Variants in MACROD2 observed in about 807,000 individuals in gnomAD.
MACROD2 encodes ADP-ribose glycohydrolase MACROD2.
MACROD2 carries 36 observed loss-of-function variants against 70.4 expected under a neutral mutation model. That is an observed-to-expected ratio of 0.51 (90% confidence interval 0.39 to 0.68). The LOEUF (loss-of-function observed/expected upper bound fraction) is 0.68. Among genes scored for constraint, MACROD2 ranks in the 30% least tolerant of loss-of-function variants. MACROD2 has a pLI of 0.00. For synonymous variants in MACROD2, 172 were observed against 178.8 expected, an observed-to-expected ratio of 0.96 and a Z score of 0.30; for missense variants, 496 against 538.4, an observed-to-expected ratio of 0.92 and a Z score of 0.78.
At chr20:14,031,893 GC>G (rs1482600351) in intron 2 of MACROD2, among the ~76,000 whole-genome samples, 1 of 152,054 alleles carries the variant, frequency 6.6e-6, no homozygotes, top group Non-Finnish European at 1.5e-5. Flanking sequence ...ATATGAAGAG[GC>G]AAAAACACTA....
intron 5 of MACROD2, among the ~76,000 whole-genome samples, chr20:15,174,559 G>C (rs970281866): frequency 6.6e-6 from 1 of 152,084 alleles, no homozygotes; most frequent in African/African-American, 2.4e-5. Context: ...TCTAGTTCTA[G>C]ATCCCTGAGG....
rs909950995 is a variant in MACROD2 at position 15,269,867 on chromosome 20, TTTAA to T, written c.540+39821_540+39824del. On this transcript the variant is annotated intron_variant, in intron 6 of 17. Coordinates refer to ENST00000684519, the MANE Select transcript of MACROD2 (RefSeq NM_001351661.2). ...CACTAATGAGGCTTCCATTTACCTC[TTTAA>T]TTAATTAATTAATTCAATATTTATT... Among the ~76,000 whole-genome samples, 20 of 152,344 alleles carry T rather than the reference TTTAA, an allele frequency of 1.3e-4. No individual in the cohort carries two copies. The East Asian group carries it at 1.5e-3, about 12-fold the overall frequency.
At chr20:15,645,335 C>T (rs1054462363) in intron 8 of MACROD2, among the ~76,000 whole-genome samples, 4 of 152,122 alleles carry the variant, frequency 2.6e-5, no homozygotes, top group Admixed American at 6.5e-5. Context: ...TCTGTGTTTC[C>T]GTAACTGTTT....
chr20:15,642,691 C>T (rs2049480278), intron 8 of MACROD2, among the ~76,000 whole-genome samples: 1 of 151,604 alleles, frequency 6.6e-6, no homozygotes, highest in Non-Finnish European at 1.5e-5. Context: ...TAAAAATAAT[C>T]TTTTCTTTGC....
intron 6 of MACROD2, among the ~76,000 whole-genome samples, chr20:15,287,841 T>C (rs2077505547): frequency 6.6e-6 from 1 of 152,258 alleles, no homozygotes; most frequent in Non-Finnish European, 1.5e-5. Context: ...TAAGGAGCTA[T>C]TGGCATTTGC....
intron 8 of MACROD2, among the ~76,000 whole-genome samples, chr20:15,691,928 G>A (rs964420673): frequency 7.2e-5 from 11 of 152,138 alleles, no homozygotes; most frequent in Non-Finnish European, 1.6e-4. Context: ...CTGCTCACCT[G>A]CAGAGAATAT....
intron 3 of MACROD2, among the ~76,000 whole-genome samples, chr20:14,398,865 T>C (rs2083607509): frequency 6.6e-6 from 1 of 152,194 alleles, no homozygotes; most frequent in African/African-American, 2.4e-5. Context: ...ATCACTTTCT[T>C]TCTGTCTGAA....
intron 5 of MACROD2, among the ~76,000 whole-genome samples, chr20:15,129,819 T>A (rs1242046418): frequency 6.6e-6 from 1 of 151,642 alleles, no homozygotes; most frequent in African/African-American, 2.4e-5. Context: ...TTAGCATTTC[T>A]GCCTCTGCCT....
Position 15,411,149 on chromosome 20 carries a change from T to TACACACACACACACAC in MACROD2, c.541-20240_541-20225dup, listed in dbSNP as rs55750139. The stretch of plus-strand genomic sequence containing the variant: ...ATTAATTGCCACCAGGATATGTATT[T>TACACACACACACACAC]ACACACACACACACACACACACACA... On this transcript the variant is annotated intron_variant, in intron 6 of 17. Transcript: ENST00000684519. 4.4e-3 allele frequency among the ~76,000 whole-genome samples: 630 copies of TACACACACACACACAC among 144,264 alleles called. 3 individuals are homozygous for TACACACACACACACAC. The highest frequency in any genetic ancestry group is 0.021 in the Middle Eastern group (6 of 286). The allele number at this position is 144,264 out of a possible 152,430, so 94.6% of individuals were successfully genotyped here. A position where few individuals can be genotyped will look rare whatever the true frequency, so the allele number is the denominator to read the frequency against.
rs1420604746 is a variant in MACROD2 at position 14,455,769 on chromosome 20, T to C, written c.272-37710T>C. ...ATATATTTTTTCTTTAAAATAACTT[T>C]GAAGCAATTTAGTTTATAAAACTTA... is the stretch of plus-strand genomic sequence containing the variant. On this transcript the variant is annotated intron_variant, in intron 3 of 17. Transcript: ENST00000684519. Among the ~76,000 whole-genome samples, 5 of 151,952 alleles carry C rather than the reference T, an allele frequency of 3.3e-5. 2 individuals carry two copies. Among genetic ancestry groups the C allele is most frequent in the African/African-American group, 1.2e-4 (5 of 41,268 alleles).
chr20:14,541,793 T>G (rs1160837001), intron 4 of MACROD2, among the ~76,000 whole-genome samples: 1 of 152,214 alleles, frequency 6.6e-6, no homozygotes, highest in Admixed American at 6.5e-5. Flanking sequence ...GCATATGGTA[T>G]ATCTGGTATA....
At chr20:14,964,853 G>C (rs1009911120) in intron 5 of MACROD2, among the ~76,000 whole-genome samples, 1 of 152,170 alleles carries the variant, frequency 6.6e-6, no homozygotes, top group African/African-American at 2.4e-5. Context: ...CTGCTAAGAT[G>C]AATGCCCTCT....
chr20:15,678,148 A>G (rs1022840851), intron 8 of MACROD2, among the ~76,000 whole-genome samples: 3 of 152,240 alleles, frequency 2.0e-5, no homozygotes, highest in Non-Finnish European at 4.4e-5. Flanking sequence ...CTTGCCTGAG[A>G]ACACACAAGT....
At chr20:15,148,912 G>A (rs543689919) in intron 5 of MACROD2, among the ~76,000 whole-genome samples, 7 of 152,012 alleles carry the variant, frequency 4.6e-5, no homozygotes, top group African/African-American at 1.7e-4. Flanking sequence ...GAAAAACTGC[G>A]TGGCTGTTTT....
At chr20:15,233,483 C>T (rs1285767407) in intron 6 of MACROD2, among the ~76,000 whole-genome samples, 2 of 151,960 alleles carry the variant, frequency 1.3e-5, no homozygotes, top group Non-Finnish European at 2.9e-5. Context: ...ATGTTATAGT[C>T]ATACATAATT....
intron 13 of MACROD2, among the ~76,000 whole-genome samples, chr20:15,969,917 TAGAA>T (rs200749039): frequency 0.021 from 3,082 of 149,768 alleles, 62 homozygotes; most frequent in African/African-American, 0.063. Flanking sequence ...AAATAAATAA[TAGAA>T]ATAAATATAA....
intron 4 of MACROD2, among the ~76,000 whole-genome samples, chr20:14,572,676 A>G (rs1323625614): frequency 6.6e-6 from 1 of 151,956 alleles, no homozygotes; most frequent in African/African-American, 2.4e-5. Context: ...TAATCTCAGG[A>G]TAGTGGTTAC....
chr20:15,451,009 A>G (rs2046633673), intron 7 of MACROD2, among the ~76,000 whole-genome samples: 1 of 152,158 alleles, frequency 6.6e-6, no homozygotes, highest in Non-Finnish European at 1.5e-5. Flanking sequence ...CTCATTTATG[A>G]ATCTATTCCT....
rs531762639 is a variant in MACROD2 at position 15,900,039 on chromosome 20, G to A, written c.775+14228G>A. ...TATTTTCTATGCATATTAAAGTATC[G>A]TGTGACATGCTGTTTTGTGAGTGGC... On this transcript the variant is annotated intron_variant, in intron 10 of 17. Transcript: ENST00000684519. Among the ~76,000 whole-genome samples, 82 of 152,116 alleles carry A rather than the reference G, an allele frequency of 5.4e-4. 1 individual carries two copies. The highest frequency in any genetic ancestry group is 6.8e-3 in the Middle Eastern group (2 of 294).
Sources: gnomAD v4.1 joint callset for allele counts (sites outside exome capture counted in the v4.1 genomes callset) on GRCh38, gnomAD v4.1.1 for gene constraint, MANE v1.5 for transcripts, NCBI Gene and HGNC (gene_info 2026-07-23, HGNC 2026-07-21) for gene names.